AOC1: variants seen among roughly 807,000 people sequenced by gnomAD.
AOC1 encodes amine oxidase copper containing 1.
Under a neutral mutation model 57.1 loss-of-function variants are expected in AOC1, and 58 were observed. The observed-to-expected ratio is 1.02, with a 90% confidence interval of 0.82 to 1.26. The LOEUF (loss-of-function observed/expected upper bound fraction) is 1.26, where lower values mean the gene tolerates loss of function less well. Ranked by LOEUF, AOC1 falls within the 50% of genes most tolerant of loss-of-function variation. The pLI is 0.00. For synonymous variants in AOC1, 401 were observed against 423.4 expected, an observed-to-expected ratio of 0.95 and a Z score of 0.65; for missense variants, 917 against 1,005.3, an observed-to-expected ratio of 0.91 and a Z score of 1.19.
At chr7:150,853,855 T>C (rs1197188117) in intron 1 of AOC1, 2 of 151,764 alleles carry the variant, frequency 1.3e-5, no homozygotes, top group Non-Finnish European at 2.9e-5. Context: ...AAACACCATC[T>C]CTACTAAAAA....
chr7:150,857,851 T>C lies in AOC1; in HGVS notation c.1381T>C (p.Tyr461His). Residue 461 changes from tyrosine (Y) to histidine (H), a missense_variant, in exon 2 of 5, where the codon TAT becomes CAT. Physicochemically the swap from Tyr to His is moderately conservative, Grantham distance 83. Coordinates refer to ENST00000360937, the MANE Select transcript of AOC1 (RefSeq NM_001091.4). This position sits in a 1 kb window ranked among gnomAD's most constrained non-coding sequence, Gnocchi z 6.6. ...GCGGACAACTTCAACTGTCTACAAT[T>C]ATGATTACATTTGGGACTTTATCTT... is the stretch of plus-strand genomic sequence containing the variant. ...VLRTTSTVYN[Y>H]DYIWDFIFYP... The C allele has an allele frequency of 6.2e-7, 1 of 1,613,922 alleles. No homozygotes were observed. The highest frequency in any genetic ancestry group is 8.5e-7 in the Non-Finnish European group (1 of 1,179,822).
chr7:150,861,226 C>G lies in AOC1; in HGVS notation c.*17C>G. ...CCTGTGTGACCAGCCCCCAGTTCCT[C>G]CCCCAGTTCCTCCCAGGAAGCCCAG... On this transcript the variant is annotated 3_prime_UTR_variant, in exon 5 of 5. Transcript: ENST00000360937. The surrounding 1 kb of genome is among the most constrained non-coding windows in gnomAD (Gnocchi z 4.5). 1 of 1,549,652 alleles carries G rather than the reference C, an allele frequency of 6.5e-7. No individual in the cohort carries two copies. Among genetic ancestry groups the G allele is most frequent in the Non-Finnish European group, 8.8e-7 (1 of 1,141,798 alleles).
At position 150,855,378 on chromosome 7, in the gene AOC1, G is replaced by C. The variant is rs184850442; in HGVS notation, c.-16-1077G>C. Among the ~76,000 whole-genome samples, 5 of 152,312 alleles carry C rather than the reference G, an allele frequency of 3.3e-5. No homozygotes were observed. The East Asian group carries it at 7.7e-4, about 24-fold the overall frequency. On this transcript the variant is annotated intron_variant, in intron 1 of 4. Transcript: ENST00000360937. The stretch of plus-strand genomic sequence containing the variant: ...AACAGGCAAGAGTAACAGTCTCCCA[G>C]AGACTCCGCACACAGCACATGGGAA...
intron 3 of AOC1, among the ~76,000 whole-genome samples, chr7:150,860,209 G>A (rs1477174563): frequency 6.6e-6 from 1 of 150,406 alleles, no homozygotes; most frequent in Admixed American, 6.7e-5. Context: ...AAAGAAGGAA[G>A]GAAAGAGAGA....
chr7:150,856,888 T>C lies in AOC1; in HGVS notation c.418T>C (p.Ser140Pro), dbSNP rs768389912. The C allele has an allele frequency of 6.2e-7, 1 of 1,614,036 alleles. No homozygotes were observed. The highest frequency in any genetic ancestry group is 1.1e-5 in the South Asian group (1 of 91,072). Reference sequence around the variant, plus strand: ...GCCTGGGTACCAGTCCTCCTGGGCATCGAGGCCCATCTCCACAGCAGAGTA... The same window carrying C: ...GCCTGGGTACCAGTCCTCCTGGGCACCGAGGCCCATCTCCACAGCAGAGTA... ...PRPGYQSSWASRPISTAEYAL... is the reference protein window; with the variant it reads ...PRPGYQSSWAPRPISTAEYAL... Residue 140 changes from serine to proline, a missense_variant, in exon 2 of 5, where the codon TCG becomes CCG. Transcript: ENST00000360937. This position sits in a 1 kb window ranked among gnomAD's most constrained non-coding sequence, Gnocchi z 5.2.
chr7:150,858,535 T>A (rs1036010447), intron 2 of AOC1, among the ~76,000 whole-genome samples: 3 of 152,130 alleles, frequency 2.0e-5, no homozygotes, highest in African/African-American at 7.2e-5. Context: ...TGGGTGCCCC[T>A]GCTCTAGGAT....
Position 150,861,045 on chromosome 7 carries a change from C to T in AOC1, c.2092C>T (p.Pro698Ser), listed in dbSNP as rs766467987. ...PGNSVGFLLRPFNFFPEDPSL... is the reference protein window; with the variant it reads ...PGNSVGFLLRSFNFFPEDPSL... ...GAACTCCGTGGGCTTCCTGCTCCGG[C>T]CATTCAACTTCTTCCCAGAGGACCC... Residue 698 changes from proline to serine, a missense_variant, in exon 5 of 5, where the codon CCA becomes TCA. Pro to Ser is a moderately conservative substitution (Grantham distance 74). Coordinates refer to ENST00000360937, the MANE Select transcript of AOC1 (RefSeq NM_001091.4). This position sits in a 1 kb window ranked among gnomAD's most constrained non-coding sequence, Gnocchi z 4.5. 4.3e-6 allele frequency: 7 copies of T among 1,613,990 alleles called. No homozygotes were observed. The highest frequency in any genetic ancestry group is 5.9e-6 in the Non-Finnish European group (7 of 1,179,998).
rs569442403 is a variant in AOC1 at position 150,855,245 on chromosome 7, G to A, written c.-16-1210G>A. ...CAGTGCTTCTGTAGGGAAATTTCAC[G>A]GTGACGGCAGCCTTCCAGGGAGGCC... On this transcript the variant is annotated intron_variant, in intron 1 of 4. Coordinates refer to ENST00000360937, the MANE Select transcript of AOC1 (RefSeq NM_001091.4). 2.2e-4 allele frequency among the ~76,000 whole-genome samples: 34 copies of A among 152,250 alleles called. 1 individual carries two copies. Among genetic ancestry groups the A allele is most frequent in the Admixed American group, 1.8e-3 (28 of 15,300 alleles).
intron 1 of AOC1, among the ~76,000 whole-genome samples, chr7:150,853,094 A>G (rs1224376709): frequency 1.3e-5 from 2 of 152,234 alleles, no homozygotes; most frequent in Non-Finnish European, 2.9e-5. Flanking sequence ...GAGACAATAA[A>G]AAGAGCAGTG....
rs191291587 is a variant in AOC1, at chr7:150,857,587, G to A, written c.1117G>A (p.Asp373Asn). 2.8e-5 allele frequency: 46 copies of A among 1,614,044 alleles called. No individual in the cohort carries two copies. Among genetic ancestry groups the A allele is most frequent in the East Asian group, 4.5e-5 (2 of 44,882 alleles). ...TPAGMQTKYL[D>N]VGWGLGSVTH... ...TGCAGGCATGCAGACCAAGTACCTCGATGTCGGCTGGGGCCTGGGCAGCGT... is the reference window on the plus strand; with the variant it reads ...TGCAGGCATGCAGACCAAGTACCTCAATGTCGGCTGGGGCCTGGGCAGCGT... The change falls in exon 2 of 5, where the codon GAT (aspartate) becomes AAT (asparagine). Residue 373 changes from aspartate to asparagine, a missense_variant. Asp to Asn is a conservative substitution (Grantham distance 23, BLOSUM62 1). Transcript: ENST00000360937. This position sits in a 1 kb window ranked among gnomAD's most constrained non-coding sequence, Gnocchi z 6.6.
chr7:150,856,671 C>T lies in AOC1; in HGVS notation c.201C>T (p.Asn67=), dbSNP rs745648786. The part of the protein sequence containing the change: ...QPSSTTTMAK[N]TVFLIEMLLP... ...CCAGTACCACCACCATGGCCAAGAA[C>T]ACCGTGTTTCTCATCGAGATGCTGC... The change falls in exon 2 of 5, where the codon AAC becomes AAT. Residue 67 remains asparagine (N), a synonymous_variant. Coordinates refer to ENST00000360937, the MANE Select transcript of AOC1 (RefSeq NM_001091.4). This position sits in a 1 kb window ranked among gnomAD's most constrained non-coding sequence, Gnocchi z 5.2. 9 of 1,614,168 alleles carry T rather than the reference C, an allele frequency of 5.6e-6. No individual in the cohort carries two copies. Among genetic ancestry groups the T allele is most frequent in the African/African-American group, 2.7e-5 (2 of 75,048 alleles).
chr7:150,859,125 T>C lies in AOC1; in HGVS notation c.1856+77T>C. ...GTGTGTCTGTGTCTGTCTGTGTTTG[T>C]GTCTATGGGGTTCCTAGTCTATGTG... is the stretch of plus-strand genomic sequence containing the variant. On this transcript the variant is annotated intron_variant, in intron 3 of 4. Coordinates refer to ENST00000360937, the MANE Select transcript of AOC1 (RefSeq NM_001091.4). The C allele has an allele frequency of 2.1e-6, 3 of 1,412,770 alleles. No homozygotes were observed. In the South Asian group the frequency reaches 4.4e-5, roughly 21 times the overall value. 87.5% of individuals were successfully genotyped at this position (1,412,770 alleles called of 1,614,324 possible).
In AOC1 at chr7:150,856,581, C is replaced by A. The variant is rs1444732706; in HGVS notation, c.111C>A (p.Ser37Arg). 6.2e-7 allele frequency: 1 copy of A among 1,614,114 alleles called. No individual in the cohort carries two copies. Among genetic ancestry groups the A allele is most frequent in the Non-Finnish European group, 8.5e-7 (1 of 1,179,958 alleles). ...PRKAGVFSDL[S>R]NQELKAVHSF... ...AGGCAGGGGTGTTTTCAGACCTAAG[C>A]AACCAAGAGCTGAAGGCAGTGCACA... is the stretch of plus-strand genomic sequence containing the variant. The change falls in exon 2 of 5, where the codon AGC (serine) becomes AGA (arginine). Residue 37 changes from serine (S) to arginine (R), a missense_variant. By Grantham distance (110) the Ser-to-Arg change is moderately radical. Coordinates refer to ENST00000360937, the MANE Select transcript of AOC1 (RefSeq NM_001091.4). The surrounding 1 kb of genome is among the most constrained non-coding windows in gnomAD (Gnocchi z 5.2).
chr7:150,858,956 C>T lies in AOC1; in HGVS notation c.1764C>T (p.Gly588=). The T allele has an allele frequency of 6.2e-7, 1 of 1,610,152 alleles. No homozygotes were observed. The highest frequency in any genetic ancestry group is 8.5e-7 in the Non-Finnish European group (1 of 1,177,518). The change falls in exon 3 of 5, where the codon GGC becomes GGT. Residue 588 remains glycine (G), a synonymous_variant. Transcript: ENST00000360937. The part of the protein sequence containing the change: ...LFTSPQENPW[G]HKRTYRLQIH... ...CCAGCCCCCAGGAGAACCCCTGGGG[C>T]CACAAGCGCACGTACCGCCTGCAGA...
Position 150,857,236 on chromosome 7 carries a change from G to A in AOC1, c.766G>A (p.Gly256Arg), listed in dbSNP as rs751403756. The change falls in exon 2 of 5, where the codon GGA (glycine) becomes AGA (arginine). Residue 256 changes from glycine (G) to arginine (R), a missense_variant. Coordinates refer to ENST00000360937, the MANE Select transcript of AOC1 (RefSeq NM_001091.4). The surrounding 1 kb of genome is among the most constrained non-coding windows in gnomAD (Gnocchi z 6.6). ...PEELARKYAD[G>R]EVDVVVLEDP... ...GGAACTGGCTCGGAAGTATGCAGAT[G>A]GAGAGGTGGACGTGGTGGTCCTGGA... 1.2e-5 allele frequency: 20 copies of A among 1,612,288 alleles called. 1 individual carries two copies. In the South Asian group the frequency reaches 2.2e-4, roughly 18 times the overall value.
rs1563101880 is a variant in AOC1 at position 150,861,427 on chromosome 7, C to CACACACAGACGTGCAT, written c.*218_*219insACACACAGACGTGCAT. 2.7e-5 allele frequency: 14 copies of CACACACAGACGTGCAT among 514,508 alleles called. No homozygotes were observed. The highest frequency in any genetic ancestry group is 2.6e-4 in the African/African-American group (14 of 53,156). 31.9% of individuals were successfully genotyped at this position (514,508 alleles called of 1,614,324 possible). A position where few individuals can be genotyped will look rare whatever the true frequency, so the allele number is the denominator to read the frequency against. On this transcript the variant is annotated 3_prime_UTR_variant, in exon 5 of 5. Coordinates refer to ENST00000360937, the MANE Select transcript of AOC1 (RefSeq NM_001091.4). The surrounding 1 kb of genome is among the most constrained non-coding windows in gnomAD (Gnocchi z 4.5). ...AGACGTGCACACACACAGACGTGCA[C>CACACACAGACGTGCAT]GCACTCACACGGACATGCACACACA...
At chr7:150,853,682 TATATATATA>T (rs1563087049) in intron 1 of AOC1, among the ~76,000 whole-genome samples, 3,394 of 89,470 alleles carry the variant, frequency 0.038, 81 homozygotes, top group South Asian at 0.067. Flanking sequence ...TATATATATA[TATATATATA>T]TATATATTTA....
At chr7:150,854,909 G>A (rs1277030524) in intron 1 of AOC1, among the ~76,000 whole-genome samples, 2 of 152,216 alleles carry the variant, frequency 1.3e-5, no homozygotes, top group Non-Finnish European at 2.9e-5. Context: ...GGCTGGGCCA[G>A]GCAGAGGTCT....
At chr7:150,854,443 C>T (rs1293252270) in intron 1 of AOC1, among the ~76,000 whole-genome samples, 1 of 152,198 alleles carries the variant, frequency 6.6e-6, no homozygotes, top group Admixed American at 6.5e-5. Flanking sequence ...AAGAACTGCC[C>T]ATCGTGTACA....
Sources: allele counts gnomAD v4.1 joint callset (sites outside exome capture counted in the v4.1 genomes callset), GRCh38; gene constraint gnomAD v4.1.1; non-coding constraint Gnocchi (gnomAD v3.1); transcripts MANE v1.5; gene names NCBI Gene and HGNC (gene_info 2026-07-23, HGNC 2026-07-21).